Variants in SUPT20H observed in about 807,000 individuals in gnomAD.
SUPT20H encodes SPT20 homolog, SAGA complex component.
Under a neutral mutation model 122.8 loss-of-function variants are expected in SUPT20H, and 82 were observed. The observed-to-expected ratio is 0.67, with a 90% CI of 0.56 to 0.80. SUPT20H has a LOEUF of 0.80. SUPT20H is among the 30% of genes least tolerant of loss of function. The pLI is 0.00. For synonymous variants in SUPT20H, 291 were observed against 313.0 expected (o/e 0.93, Z 0.74); for missense variants, 831 against 921.6 (o/e 0.90, Z 1.27).
At chr13:37,028,928 G>A (rs56231108) in intron 13 of SUPT20H, among the ~76,000 whole-genome samples, 1 of 150,558 alleles carries the variant, frequency 6.6e-6, no homozygotes, top group Admixed American at 6.7e-5. Context: ...TTTCATACTA[G>A]ATATATGAAT....
At chr13:37,019,780 A>G (rs944695924) in intron 21 of SUPT20H, among the ~76,000 whole-genome samples, 3 of 152,082 alleles carry the variant, frequency 2.0e-5, no homozygotes, top group Non-Finnish European at 4.4e-5. Context: ...AATGCTACAT[A>G]GTATACTATA....
At chr13:37,017,990 C>T (rs2060809197) in intron 22 of SUPT20H, among the ~76,000 whole-genome samples, 1 of 152,118 alleles carries the variant, frequency 6.6e-6, no homozygotes, top group South Asian at 2.1e-4. Flanking sequence ...TTTTCAAATG[C>T]ACCAAAAAAC....
At chr13:37,017,404 A>G (rs772660638) in intron 22 of SUPT20H, 40 bp from the exon 23 acceptor site, 1 of 1,545,082 alleles carries the variant, frequency 6.5e-7, no homozygotes, top group Non-Finnish European at 8.8e-7. Context: ...ATTTCACATG[A>G]TTTTATATCA....
At chr13:37,050,192 G>A (rs548101022) in intron 2 of SUPT20H, among the ~76,000 whole-genome samples, 9 of 151,734 alleles carry the variant, frequency 5.9e-5, no homozygotes, top group African/African-American at 1.7e-4. Flanking sequence ...TTTTCAAAAC[G>A]TTCAGTTATA....
intron 10 of SUPT20H, 74 bp from the exon 11 acceptor site, chr13:37,031,969 C>A: frequency 7.4e-7 from 1 of 1,351,566 alleles, no homozygotes; most frequent in South Asian, 1.5e-5. Flanking sequence ...TGAAACTAGT[C>A]AGTGCTGAAT....
Position 37,051,544 on chromosome 13 carries a change from G to A in SUPT20H, c.-54C>T. 6.3e-7 allele frequency: 1 copy of A among 1,583,980 alleles called. No individual in the cohort carries two copies. Among genetic ancestry groups the A allele is most frequent in the East Asian group, 2.2e-5 (1 of 44,570 alleles). On this transcript the variant is annotated 5_prime_UTR_variant, in exon 2 of 26. Transcript: ENST00000350612. ...GAGATAACTTATGTACGCTGATGAA[G>A]TGGGGTGAACACCATGCCTTTAACA...
intron 22 of SUPT20H, among the ~76,000 whole-genome samples, chr13:37,018,536 C>T (rs567211938): frequency 6.6e-6 from 1 of 152,330 alleles, no homozygotes; most frequent in East Asian, 1.9e-4. Flanking sequence ...CATAGCTCTA[C>T]TATGTTACAT....
intron 7 of SUPT20H, among the ~76,000 whole-genome samples, chr13:37,041,721 A>C (rs1036689913): frequency 2.0e-5 from 3 of 152,154 alleles, no homozygotes; most frequent in Non-Finnish European, 4.4e-5. Flanking sequence ...TTACTGAGCA[A>C]CTACAATGCC....
chr13:37,018,106 T>C (rs1346292440), intron 22 of SUPT20H, among the ~76,000 whole-genome samples: 3 of 151,790 alleles, frequency 2.0e-5, no homozygotes, highest in Non-Finnish European at 1.5e-5. Flanking sequence ...TAGGTCTGTA[T>C]AGTCAAAAAA....
chr13:37,020,729 T>C (rs1373142978), intron 21 of SUPT20H, among the ~76,000 whole-genome samples: 1 of 152,208 alleles, frequency 6.6e-6, no homozygotes, highest in Admixed American at 6.5e-5. Flanking sequence ...TTAATAAATT[T>C]TTCTAGATTG....
At chr13:37,040,720 A>G (rs2065312888) in intron 7 of SUPT20H, 28 bp from the exon 8 acceptor site, 13 of 1,557,108 alleles carry the variant, frequency 8.3e-6, no homozygotes, top group Non-Finnish European at 1.1e-5. Context: ...CGTAAACGTC[A>G]TTTTTTTTTC....
chr13:37,043,530 G>A (rs2065872712), intron 7 of SUPT20H, among the ~76,000 whole-genome samples: 2 of 152,086 alleles, frequency 1.3e-5, no homozygotes, highest in South Asian at 2.1e-4. Flanking sequence ...CAATTGATGA[G>A]CTAATTGTTC....
In SUPT20H at chr13:37,025,439, TA is replaced by T. The variant is rs755581081; in HGVS notation, c.1212-3del. 1 of 1,604,332 alleles carries T rather than the reference TA, an allele frequency of 6.2e-7. No individual in the cohort carries two copies. Among genetic ancestry groups the T allele is most frequent in the South Asian group, 1.1e-5 (1 of 90,606 alleles). On this transcript the variant is annotated splice_polypyrimidine_tract_variant and splice_region_variant and intron_variant, in intron 16 of 25. Coordinates refer to ENST00000350612, the MANE Select transcript of SUPT20H (RefSeq NM_001014286.3). ...AATTCTTGGTACTGATTGACTACCC[TA>T]AAATATCAGGAGAAAACAGGTAAAG...
intron 1 of SUPT20H, among the ~76,000 whole-genome samples, chr13:37,057,730 T>C (rs936751867): frequency 6.6e-6 from 1 of 151,890 alleles, no homozygotes; most frequent in South Asian, 2.1e-4. Context: ...TCCCAGCACT[T>C]TGGGAGGCCA....
chr13:37,056,470 A>T (rs1178088163), intron 1 of SUPT20H, among the ~76,000 whole-genome samples: 1 of 152,190 alleles, frequency 6.6e-6, no homozygotes, highest in Admixed American at 6.5e-5. Flanking sequence ...TTGCAGTGAC[A>T]TGGATGAAGC....
intron 7 of SUPT20H, among the ~76,000 whole-genome samples, chr13:37,042,440 C>T (rs540104105): frequency 6.6e-6 from 1 of 152,106 alleles, no homozygotes; most frequent in Admixed American, 6.5e-5. Flanking sequence ...TAAAGAAAAA[C>T]AGAGAGCCAA....
At chr13:37,052,878 C>T (rs1431636988) in intron 1 of SUPT20H, among the ~76,000 whole-genome samples, 1 of 152,126 alleles carries the variant, frequency 6.6e-6, no homozygotes, top group Non-Finnish European at 1.5e-5. Context: ...TATGAACGGA[C>T]ACTTCTCAAA....
intron 13 of SUPT20H, among the ~76,000 whole-genome samples, chr13:37,028,892 G>A (rs1485668299): frequency 6.6e-6 from 1 of 150,930 alleles, no homozygotes; most frequent in Non-Finnish European, 1.5e-5. Context: ...TAAATGGCAT[G>A]TTTAATCAAG....
At chr13:37,011,074 T>C (rs2059544557) in intron 24 of SUPT20H, among the ~76,000 whole-genome samples, 1 of 152,174 alleles carries the variant, frequency 6.6e-6, no homozygotes, top group South Asian at 2.1e-4. Flanking sequence ...GATGCTGCAA[T>C]GAATATCAGA....
Sources: allele counts gnomAD v4.1 joint callset (sites outside exome capture counted in the v4.1 genomes callset), GRCh38; gene constraint gnomAD v4.1.1; transcripts MANE v1.5; gene names NCBI Gene and HGNC (gene_info 2026-07-23, HGNC 2026-07-21).